The following KCTD20 variants were observed in gnomAD, a reference collection of about 807,000 sequenced individuals.
KCTD20 encodes the protein potassium channel tetramerization domain containing 20.
A neutral mutation model predicts 39.6 loss-of-function variants in KCTD20; 30 were observed. The observed-to-expected ratio is 0.76, with a 90% CI of 0.57 to 1.03. The LOEUF (loss-of-function observed/expected upper bound fraction) is 1.03. Among genes scored for constraint, KCTD20 ranks in the 50% least tolerant of loss-of-function variants. KCTD20 has a pLI of 0.00. For missense variants in KCTD20, 422 were observed against 522.0 expected (o/e 0.81, Z 1.87); for synonymous variants, 162 against 180.6 (o/e 0.90, Z 0.83).
intron 3 of KCTD20, among the ~76,000 whole-genome samples, chr6:36,475,553 G>A (rs1468468336): frequency 6.6e-6 from 1 of 152,060 alleles, no homozygotes; most frequent in Non-Finnish European, 1.5e-5. Context: ...GGGGTGGGGA[G>A]AGTACTTCAT....
In KCTD20 at chr6:36,461,869, G is replaced by T. The variant is rs565989846; in HGVS notation, c.-46-8183G>T. ...AGCTTGTTAGCCTGGCCTGTGATTT[G>T]TAGAGAAGGAGGAAGGAAAAGGGAA... is the stretch of plus-strand genomic sequence containing the variant. On this transcript the variant is annotated intron_variant, in intron 1 of 7. Transcript: ENST00000373731. 2.3e-4 allele frequency among the ~76,000 whole-genome samples: 35 copies of T among 152,304 alleles called. No individual in the cohort carries two copies. The South Asian group carries it at 6.0e-3, about 26-fold the overall frequency.
Position 36,456,060 on chromosome 6 carries a change from G to GT in KCTD20, c.-47+12957dup, listed in dbSNP as rs532440222. On this transcript the variant is annotated intron_variant, in intron 1 of 7. Coordinates refer to ENST00000373731, the MANE Select transcript of KCTD20 (RefSeq NM_173562.5). ...AGTTGTCTGATGCCTTCAAACAGAT[G>GT]TTTTTTTTCTGTTTTACTCAGCTTT... 7.9e-5 allele frequency among the ~76,000 whole-genome samples: 12 copies of GT among 152,016 alleles called. No homozygotes were observed. In the South Asian group the frequency reaches 1.2e-3, roughly 16 times the overall value.
Position 36,456,356 on chromosome 6 carries a change from G to A in KCTD20, c.-47+13245G>A, listed in dbSNP as rs139400589. On this transcript the variant is annotated intron_variant, in intron 1 of 7. Coordinates refer to ENST00000373731, the MANE Select transcript of KCTD20 (RefSeq NM_173562.5). ...TGCAGTGGCGCAATCTTGGCTCACT[G>A]CAACCTCTGCCTCCCGGGTTCAAGC... Among the ~76,000 whole-genome samples, 28 of 152,234 alleles carry A rather than the reference G, an allele frequency of 1.8e-4. No individual in the cohort carries two copies. In the East Asian group the frequency reaches 5.4e-3, roughly 29 times the overall value.
intron 1 of KCTD20, chr6:36,451,088 A>C (rs1240706028): frequency 6.6e-6 from 1 of 152,134 alleles, no homozygotes; most frequent in African/African-American, 2.4e-5. Flanking sequence ...TTGATGCTAA[A>C]TTTGGTGCAG....
chr6:36,458,761 C>T (rs191034411), intron 1 of KCTD20, among the ~76,000 whole-genome samples: 290 of 151,202 alleles, frequency 1.9e-3, no homozygotes, highest in African/African-American at 6.4e-3. Context: ...GAGACCAAGG[C>T]GGAAGGATGG....
At chr6:36,486,379 G>C (rs1776424106) in intron 7 of KCTD20, among the ~76,000 whole-genome samples, 1 of 152,162 alleles carries the variant, frequency 6.6e-6, no homozygotes, top group African/African-American at 2.4e-5. Flanking sequence ...CCAGTTAATA[G>C]CCTCTGAAGC....
chr6:36,462,086 T>C (rs1775618255), intron 1 of KCTD20, among the ~76,000 whole-genome samples: 2 of 152,222 alleles, frequency 1.3e-5, no homozygotes, highest in Non-Finnish European at 2.9e-5. Flanking sequence ...GCTATTAATA[T>C]AGCTTCACCA....
At chr6:36,478,181 T>G (rs1776131420) in intron 3 of KCTD20, among the ~76,000 whole-genome samples, 1 of 152,112 alleles carries the variant, frequency 6.6e-6, no homozygotes, top group Admixed American at 6.5e-5. Flanking sequence ...CCCAGCAGTT[T>G]AAGGAAGGAA....
At chr6:36,485,488 C>CTTTTTTTTTTTTTTTTTTTTTT in intron 7 of KCTD20, among the ~76,000 whole-genome samples, 1 of 97,100 alleles carries the variant, frequency 1.0e-5, no homozygotes, top group African/African-American at 3.9e-5. Flanking sequence ...TGGAGTGGAT[C>CTTTTTTTTTTTTTTTTTTTTTT]TTTTTTTTTT....
intron 1 of KCTD20, among the ~76,000 whole-genome samples, chr6:36,449,822 A>G (rs1382617200): frequency 6.6e-6 from 1 of 152,134 alleles, no homozygotes; most frequent in Non-Finnish European, 1.5e-5. Flanking sequence ...GGCTTCACAT[A>G]TGAATTTTGA....
chr6:36,454,680 G>A (rs547728242), intron 1 of KCTD20, among the ~76,000 whole-genome samples: 7 of 135,122 alleles, frequency 5.2e-5, no homozygotes, highest in East Asian at 4.5e-4. Flanking sequence ...GCTCTGTTCC[G>A]CAGGCTGGAG....
chr6:36,474,867 G>C lies in KCTD20; in HGVS notation c.239G>C (p.Gly80Ala). 6.2e-7 allele frequency: 1 copy of C among 1,614,088 alleles called. No individual in the cohort carries two copies. Among genetic ancestry groups the C allele is most frequent in the Non-Finnish European group, 8.5e-7 (1 of 1,180,026 alleles). Reference protein sequence around the residue: ...HIMPLAEDIKGSCFQSGNKRN... With the variant: ...HIMPLAEDIKASCFQSGNKRN... Reference sequence around the variant, plus strand: ...ATGCCCCTTGCTGAAGACATCAAAGGTTCTTGCTTCCAAAGTGGGAATAAA... The same window carrying C: ...ATGCCCCTTGCTGAAGACATCAAAGCTTCTTGCTTCCAAAGTGGGAATAAA... Residue 80 changes from glycine (G) to alanine (A), a missense_variant, in exon 3 of 8, where the codon GGT becomes GCT. Physicochemically the swap from Gly to Ala is moderately conservative, Grantham distance 60. Transcript: ENST00000373731.
chr6:36,447,833 A>G lies in KCTD20; in HGVS notation c.-47+4722A>G, dbSNP rs1189378066. Among the ~76,000 whole-genome samples, 3 of 151,592 alleles carry G rather than the reference A, an allele frequency of 2.0e-5. No homozygotes were observed. The East Asian group carries it at 5.8e-4, about 29-fold the overall frequency. On this transcript the variant is annotated intron_variant, in intron 1 of 7. Coordinates refer to ENST00000373731, the MANE Select transcript of KCTD20 (RefSeq NM_173562.5). Reference sequence around the variant, plus strand: ...TGGCACGACTCTGTCTCTACAAAAAATATAAAAATGAGCCAGGTGTGGTGG... The same window carrying G: ...TGGCACGACTCTGTCTCTACAAAAAGTATAAAAATGAGCCAGGTGTGGTGG...
rs1294138477 is a variant in KCTD20 at position 36,479,725 on chromosome 6, C to G, written c.658+14C>G. 1 of 1,585,042 alleles carries G rather than the reference C, an allele frequency of 6.3e-7. No homozygotes were observed. The highest frequency in any genetic ancestry group is 8.6e-7 in the Non-Finnish European group (1 of 1,169,402). On this transcript the variant is annotated intron_variant, in intron 5 of 7. Transcript: ENST00000373731. Reference sequence around the variant, plus strand: ...GTCAAGATCTGAGTAAGTACAGGAGCAGGTGCCAGCTGCACTTAAGCAGCT... The same window carrying G: ...GTCAAGATCTGAGTAAGTACAGGAGGAGGTGCCAGCTGCACTTAAGCAGCT...
intron 7 of KCTD20, among the ~76,000 whole-genome samples, chr6:36,485,557 G>T (rs370302025): frequency 7.0e-6 from 1 of 142,366 alleles, no homozygotes; most frequent in East Asian, 2.1e-4. Flanking sequence ...GCGGTGGCAC[G>T]ATCTCAGCTC....
intron 1 of KCTD20, among the ~76,000 whole-genome samples, chr6:36,454,355 T>TG (rs1775363000): frequency 1.3e-5 from 2 of 151,826 alleles, no homozygotes; most frequent in African/African-American, 4.8e-5. Context: ...CTCTTTTTTT[T>TG]TTTTGAGATG....
At chr6:36,483,263 CTTTT>C (rs766717414) in intron 6 of KCTD20, among the ~76,000 whole-genome samples, 21 of 76,732 alleles carry the variant, frequency 2.7e-4, no homozygotes, top group African/African-American at 9.7e-4. Context: ...GTGGCTTTTT[CTTTT>C]TTTTTTTTTT....
chr6:36,450,411 C>T lies in KCTD20; in HGVS notation c.-47+7300C>T, dbSNP rs546885972. On this transcript the variant is annotated intron_variant, in intron 1 of 7. Coordinates refer to ENST00000373731, the MANE Select transcript of KCTD20 (RefSeq NM_173562.5). ...GCTGAGGTAGGAGAATCGCTTGAAC[C>T]TGGGAGGCAGAGGTTGCAGTGAGCT... 3.0e-4 allele frequency among the ~76,000 whole-genome samples: 45 copies of T among 151,368 alleles called. 2 individuals carry two copies. In the East Asian group the frequency reaches 8.4e-3, roughly 28 times the overall value.
chr6:36,486,909 A>G lies in KCTD20; in HGVS notation c.994A>G (p.Lys332Glu). 1 of 1,612,722 alleles carries G rather than the reference A, an allele frequency of 6.2e-7. No individual in the cohort carries two copies. Among genetic ancestry groups the G allele is most frequent in the Non-Finnish European group, 8.5e-7 (1 of 1,179,458 alleles). The change falls in exon 8 of 8, where the codon AAG (lysine) becomes GAG (glutamate). Residue 332 changes from lysine (K) to glutamate (E), a missense_variant. Coordinates refer to ENST00000373731, the MANE Select transcript of KCTD20 (RefSeq NM_173562.5). ...TTACCCTACCTGTAAAGAAAAAATT[A>G]AGAGAAGGCCTGGCGGCCGGTCTGA... ...EGYPTCKEKI[K>E]RRPGGRSEVI...
Sources: allele counts gnomAD v4.1 joint callset (sites outside exome capture counted in the v4.1 genomes callset), GRCh38; gene constraint gnomAD v4.1.1; transcripts MANE v1.5; gene names NCBI Gene and HGNC (gene_info 2026-07-23, HGNC 2026-07-21).